The following RAB43 variants were observed in gnomAD, a reference collection of about 807,000 sequenced individuals.
The protein encoded by RAB43 is ras-related protein Rab-43.
RAB43 carries 6 observed loss-of-function variants against 18.8 expected under a neutral mutation model. That is an observed-to-expected ratio of 0.32 (90% CI 0.17 to 0.63). RAB43 has a LOEUF of 0.63. RAB43 is among the 30% of genes least tolerant of loss of function. The pLI is 0.79. For missense variants in RAB43, 195 were observed against 289.1 expected, an observed-to-expected ratio of 0.67 and a Z score of 2.36; for synonymous variants, 103 against 124.1, an observed-to-expected ratio of 0.83 and a Z score of 1.13.
chr3:129,114,031 C>T (rs1935340379), intron 1 of RAB43, among the ~76,000 whole-genome samples: 1 of 150,652 alleles, frequency 6.6e-6, no homozygotes, highest in Admixed American at 6.6e-5. Flanking sequence ...GACTCCGTCT[C>T]GAAAGAAAAA....
At position 129,090,229 on chromosome 3, in the gene RAB43, C is replaced by T. The variant is rs1933556936; in HGVS notation, c.*867G>A. The stretch of plus-strand genomic sequence containing the variant: ...CTGCTTGTGGGGTAAGGCTGGGTGC[C>T]TTGCGGTGCCCTCTCATCCCTGAGC... On this transcript the variant is annotated 3_prime_UTR_variant, in exon 3 of 3. Transcript: ENST00000315150. 1 of 151,204 alleles carries T rather than the reference C, an allele frequency of 6.6e-6. No homozygotes were observed. The highest frequency in any genetic ancestry group is 1.5e-5 in the Non-Finnish European group (1 of 67,848). The allele number at this position is 151,204 out of a possible 1,614,324, so 9.4% of individuals were successfully genotyped here.
chr3:129,121,599 G>A lies in RAB43; in HGVS notation c.-110C>T. 3 of 890,086 alleles carry A rather than the reference G, an allele frequency of 3.4e-6. No individual in the cohort carries two copies. The highest frequency in any genetic ancestry group is 3.3e-6 in the Non-Finnish European group (2 of 614,360). 55.1% of individuals were successfully genotyped at this position (890,086 alleles called of 1,614,324 possible). On this transcript the variant is annotated 5_prime_UTR_variant, in exon 1 of 3. It adds an upstream start codon to the 5' untranslated region. Transcript: ENST00000315150. Reference sequence around the variant, plus strand: ...TCCAGCCCACGGGCCGCCTGGCTACGTGGAGCCGCCGCAACACCTGAACCC... The same window carrying A: ...TCCAGCCCACGGGCCGCCTGGCTACATGGAGCCGCCGCAACACCTGAACCC...
chr3:129,104,199 C>T (rs946700651), intron 1 of RAB43, among the ~76,000 whole-genome samples: 2 of 152,142 alleles, frequency 1.3e-5, no homozygotes, highest in Non-Finnish European at 2.9e-5. Context: ...TTTTTCACTG[C>T]CCAGGGGACA....
At chr3:129,112,012 G>A (rs1576842704) in intron 1 of RAB43, among the ~76,000 whole-genome samples, 1 of 152,148 alleles carries the variant, frequency 6.6e-6, no homozygotes, top group East Asian at 1.9e-4. Flanking sequence ...CTCCTGGGAG[G>A]CTGAGGCAGG....
intron 1 of RAB43, among the ~76,000 whole-genome samples, chr3:129,102,432 C>T (rs867676941): frequency 6.6e-6 from 1 of 151,912 alleles, no homozygotes; most frequent in Admixed American, 6.6e-5. Context: ...AGATCGAGAC[C>T]GTCCTGGCTA....
intron 1 of RAB43, among the ~76,000 whole-genome samples, chr3:129,099,262 G>T (rs564879371): frequency 1.1e-3 from 159 of 150,926 alleles, no homozygotes; most frequent in African/African-American, 3.7e-3. Context: ...CAGCTAATTT[G>T]TTGTATTTTT....
At chr3:129,105,678 G>A (rs1934734170) in intron 1 of RAB43, among the ~76,000 whole-genome samples, 2 of 151,258 alleles carry the variant, frequency 1.3e-5, no homozygotes, top group African/African-American at 4.9e-5. Context: ...TACTCAGGAG[G>A]CTGAGGCAGG....
chr3:129,120,608 C>T (rs767084257), intron 1 of RAB43, among the ~76,000 whole-genome samples: 4 of 152,228 alleles, frequency 2.6e-5, no homozygotes, highest in Non-Finnish European at 5.9e-5. Flanking sequence ...TATTCGGAGC[C>T]ATTGCCAAAG....
chr3:129,091,374 G>A, intron 2 of RAB43, 28 bp from the exon 3 acceptor site: 3 of 1,595,216 alleles, frequency 1.9e-6, no homozygotes, highest in South Asian at 1.1e-5. Flanking sequence ...GGCAGCATGA[G>A]GCCATGGGGG....
At chr3:129,111,067 A>G (rs1313648725) in intron 1 of RAB43, among the ~76,000 whole-genome samples, 1 of 152,076 alleles carries the variant, frequency 6.6e-6, no homozygotes, top group Non-Finnish European at 1.5e-5. Context: ...ACCCATCACC[A>G]TGCGCCTTCC....
chr3:129,103,569 CT>C (rs772491871), intron 1 of RAB43, among the ~76,000 whole-genome samples: 738 of 142,366 alleles, frequency 5.2e-3, no homozygotes, highest in Non-Finnish European at 5.0e-3. Context: ...CCCATCTATG[CT>C]TTTTTTTTTT....
intron 1 of RAB43, among the ~76,000 whole-genome samples, chr3:129,098,670 A>G (rs1366288750): frequency 6.6e-6 from 1 of 152,252 alleles, no homozygotes; most frequent in Non-Finnish European, 1.5e-5. Context: ...GTATGTTCAA[A>G]GAGTTAAAGA....
At chr3:129,115,349 A>C (rs1354945015) in intron 1 of RAB43, among the ~76,000 whole-genome samples, 1 of 151,052 alleles carries the variant, frequency 6.6e-6, no homozygotes, top group African/African-American at 2.4e-5. Context: ...AAAACAAAAA[A>C]CAAAATCAGC....
chr3:129,090,894 G>T lies in RAB43; in HGVS notation c.*202C>A. The T allele has an allele frequency of 2.1e-6, 1 of 475,950 alleles. No individual in the cohort carries two copies. Among genetic ancestry groups the T allele is most frequent in the Admixed American group, 3.9e-5 (1 of 25,338 alleles). 29.5% of individuals were successfully genotyped at this position (475,950 alleles called of 1,614,324 possible). A position where few individuals can be genotyped will look rare whatever the true frequency, so the allele number is the denominator to read the frequency against. ...GGAGGGCCAGCTGCTGGCTGGCAGG[G>T]TGGCCCGCCAGGGTATCCTGCTTCC... On this transcript the variant is annotated 3_prime_UTR_variant, in exon 3 of 3. Transcript: ENST00000315150.
At chr3:129,110,163 T>TG (rs1480180867) in intron 1 of RAB43, among the ~76,000 whole-genome samples, 2 of 151,936 alleles carry the variant, frequency 1.3e-5, no homozygotes, top group African/African-American at 4.8e-5. Flanking sequence ...CTTCTTTAGG[T>TG]GAAAAAAACA....
chr3:129,118,726 T>C (rs1935707411), intron 1 of RAB43, among the ~76,000 whole-genome samples: 1 of 152,186 alleles, frequency 6.6e-6, no homozygotes, highest in Non-Finnish European at 1.5e-5. Context: ...CACGTCTCAC[T>C]ATGCTGGCCA....
At chr3:129,109,395 G>C (rs898064008) in intron 1 of RAB43, among the ~76,000 whole-genome samples, 2 of 149,126 alleles carry the variant, frequency 1.3e-5, no homozygotes, top group African/African-American at 5.0e-5. Context: ...GGGCGACAGA[G>C]CGAGACTCCG....
At chr3:129,097,774 A>C (rs1934151987) in intron 1 of RAB43, among the ~76,000 whole-genome samples, 1 of 152,124 alleles carries the variant, frequency 6.6e-6, no homozygotes, top group African/African-American at 2.4e-5. Context: ...CCCTCCACAC[A>C]CACCACAGGA....
Position 129,095,012 on chromosome 3 carries a change from C to G in RAB43, c.362G>C (p.Gly121Ala). The stretch of plus-strand genomic sequence containing the variant: ...GATCAGCAGCTGCACAATGTTGGAG[C>G]CCGCATACTTCCTCACATCCTCAAT... The part of the protein sequence containing the change: ...HWIEDVRKYA[G>A]SNIVQLLIGN... The change falls in exon 2 of 3, where the codon GGC becomes GCC. Residue 121 changes from glycine to alanine, a missense_variant. By Grantham distance (60) the Gly-to-Ala change is moderately conservative. Transcript: ENST00000315150. This position sits in a 1 kb window ranked among gnomAD's most constrained non-coding sequence, Gnocchi z 4.2. 1 of 1,611,382 alleles carries G rather than the reference C, an allele frequency of 6.2e-7. No homozygotes were observed. The highest frequency in any genetic ancestry group is 8.5e-7 in the Non-Finnish European group (1 of 1,178,440).
Sources: allele counts gnomAD v4.1 joint callset (sites outside exome capture counted in the v4.1 genomes callset), GRCh38; gene constraint gnomAD v4.1.1; non-coding constraint Gnocchi (gnomAD v3.1); transcripts MANE v1.5; gene names NCBI Gene and HGNC (gene_info 2026-07-23, HGNC 2026-07-21).